GPC5: variants seen among roughly 807,000 people sequenced by gnomAD.
GPC5 encodes glypican-5.
A neutral mutation model predicts 53.9 loss-of-function variants in GPC5; 47 were observed. The ratio of observed to expected loss-of-function variants is 0.87; its 90% CI spans 0.69 to 1.11. The LOEUF is 1.11. Ranked by LOEUF, GPC5 falls within the 50% of genes most tolerant of loss-of-function variation. The pLI is 0.00. For synonymous variants in GPC5, 286 were observed against 263.3 expected (o/e 1.09, Z -0.84); for missense variants, 748 against 713.1 (o/e 1.05, Z -0.56).
At chr13:92,128,159 T>A (rs1442212219) in intron 6 of GPC5, among the ~76,000 whole-genome samples, 1 of 152,236 alleles carries the variant, frequency 6.6e-6, no homozygotes, top group South Asian at 2.1e-4. Flanking sequence ...TGATAATAGA[T>A]GCTGGTATCC....
intron 6 of GPC5, among the ~76,000 whole-genome samples, chr13:91,963,312 A>G (rs1248999490): frequency 6.6e-6 from 1 of 152,166 alleles, no homozygotes; most frequent in East Asian, 1.9e-4. Context: ...AAGTATATCC[A>G]CAGGTTTTGA....
intron 7 of GPC5, among the ~76,000 whole-genome samples, chr13:92,386,546 A>G (rs1324347108): frequency 1.3e-5 from 2 of 152,052 alleles, no homozygotes; most frequent in African/African-American, 4.8e-5. Context: ...TTTTTAATAT[A>G]CCAATTGTGT....
At chr13:92,199,693 C>G (rs894022446) in intron 7 of GPC5, among the ~76,000 whole-genome samples, 1 of 152,160 alleles carries the variant, frequency 6.6e-6, no homozygotes. Flanking sequence ...AGAATTGGAT[C>G]TATCCTGGGA....
chr13:91,447,009 G>A (rs1446246821), intron 1 of GPC5, among the ~76,000 whole-genome samples: 1 of 152,162 alleles, frequency 6.6e-6, no homozygotes, highest in Non-Finnish European at 1.5e-5. Flanking sequence ...GAGTGTGATG[G>A]GAAGAGTACA....
intron 7 of GPC5, among the ~76,000 whole-genome samples, chr13:92,317,117 C>T (rs1315958557): frequency 6.6e-6 from 1 of 151,864 alleles, no homozygotes; most frequent in Non-Finnish European, 1.5e-5. Context: ...TTATTTTGAC[C>T]AAAAATTATT....
chr13:92,850,398 G>A (rs934897799), intron 7 of GPC5, among the ~76,000 whole-genome samples: 13 of 152,116 alleles, frequency 8.5e-5, no homozygotes, highest in East Asian at 1.9e-4. Flanking sequence ...TCAGGAGCTC[G>A]AGACCAGCAT....
At position 91,889,350 on chromosome 13, in the gene GPC5, T is replaced by C. The variant is rs186461205; in HGVS notation, c.1281-18587T>C. Among the ~76,000 whole-genome samples the C allele has an allele frequency of 2.1e-3, 325 of 152,326 alleles. 3 individuals carry two copies. The highest frequency in any genetic ancestry group is 7.4e-3 in the African/African-American group (308 of 41,568). ...AAACTATGGATGGGACAGTTTAACT[T>C]AATTGTTCTTATAGTTAGTAAAATT... On this transcript the variant is annotated intron_variant, in intron 5 of 7. Transcript: ENST00000377067.
At chr13:91,873,242 T>C (rs2039166733) in intron 5 of GPC5, among the ~76,000 whole-genome samples, 1 of 152,194 alleles carries the variant, frequency 6.6e-6, no homozygotes, top group Non-Finnish European at 1.5e-5. Context: ...CTGGGAAGTA[T>C]TTTGCATAGT....
Position 92,481,494 on chromosome 13 carries a change from T to C in GPC5, c.1561+336505T>C, listed in dbSNP as rs149473340. On this transcript the variant is annotated intron_variant, in intron 7 of 7. Transcript: ENST00000377067. Reference sequence around the variant, plus strand: ...TGTATGCGCAAAAAGGGGAAAAGAGTTGGGCCAGTTGAGTTTGTCACTTTG... The same window carrying C: ...TGTATGCGCAAAAAGGGGAAAAGAGCTGGGCCAGTTGAGTTTGTCACTTTG... Among the ~76,000 whole-genome samples, 727 of 152,090 alleles carry C rather than the reference T, an allele frequency of 4.8e-3. 7 individuals are homozygous for C. Among genetic ancestry groups the C allele is most frequent in the African/African-American group, 0.016 (665 of 41,482 alleles).
At chr13:91,715,107 T>G (rs2036308331) in intron 3 of GPC5, among the ~76,000 whole-genome samples, 1 of 152,204 alleles carries the variant, frequency 6.6e-6, no homozygotes, top group Admixed American at 6.5e-5. Flanking sequence ...CATCTGGTCA[T>G]GGCTGTGGAA....
intron 5 of GPC5, among the ~76,000 whole-genome samples, chr13:91,899,020 C>G (rs1290205231): frequency 6.6e-6 from 1 of 152,208 alleles, no homozygotes; most frequent in African/African-American, 2.4e-5. Flanking sequence ...CACAACCTTA[C>G]TATCACATTA....
intron 7 of GPC5, among the ~76,000 whole-genome samples, chr13:92,245,902 G>A (rs1221851073): frequency 1.3e-5 from 2 of 151,802 alleles, no homozygotes; most frequent in Non-Finnish European, 2.9e-5. Context: ...TTTGGTAATT[G>A]TCTTAACTGG....
chr13:91,436,347 C>T (rs1351734830), intron 1 of GPC5, among the ~76,000 whole-genome samples: 6 of 151,920 alleles, frequency 3.9e-5, no homozygotes, highest in Non-Finnish European at 7.4e-5. Context: ...TCCCTCTACA[C>T]ACTGCTTTGA....
intron 5 of GPC5, among the ~76,000 whole-genome samples, chr13:91,807,276 C>G (rs983601791): frequency 6.6e-6 from 1 of 152,086 alleles, no homozygotes; most frequent in African/African-American, 2.4e-5. Context: ...ATAATCACCC[C>G]ACATCTTGTT....
intron 7 of GPC5, among the ~76,000 whole-genome samples, chr13:92,177,326 T>A (rs80275280): frequency 1.3e-5 from 2 of 152,214 alleles, no homozygotes; most frequent in Non-Finnish European, 2.9e-5. Flanking sequence ...GTTAATGTAA[T>A]GACAATGCCT....
intron 7 of GPC5, among the ~76,000 whole-genome samples, chr13:92,750,078 C>A (rs1032240424): frequency 6.6e-6 from 1 of 152,156 alleles, no homozygotes; most frequent in African/African-American, 2.4e-5. Context: ...AACAAGAATA[C>A]TCCTAATGGA....
At chr13:92,254,296 T>C (rs960006547) in intron 7 of GPC5, among the ~76,000 whole-genome samples, 1 of 152,146 alleles carries the variant, frequency 6.6e-6, no homozygotes, top group Non-Finnish European at 1.5e-5. Context: ...ATAATTATAC[T>C]CTATTCACTA....
intron 7 of GPC5, among the ~76,000 whole-genome samples, chr13:92,519,583 G>C (rs948486318): frequency 1.6e-4 from 25 of 152,234 alleles, no homozygotes; most frequent in African/African-American, 6.0e-4. Context: ...AAACCAATGA[G>C]AACAAAGACA....
intron 7 of GPC5, among the ~76,000 whole-genome samples, chr13:92,372,668 A>T (rs1303414389): frequency 4.6e-5 from 7 of 152,126 alleles, no homozygotes; most frequent in East Asian, 1.9e-4. Flanking sequence ...CTTGACCTTG[A>T]TATATTTCTG....
Sources: allele counts gnomAD v4.1 joint callset (sites outside exome capture counted in the v4.1 genomes callset), GRCh38; gene constraint gnomAD v4.1.1; transcripts MANE v1.5; gene names NCBI Gene and HGNC (gene_info 2026-07-23, HGNC 2026-07-21).